Variants in LOXHD1 observed in about 807,000 individuals in gnomAD.
The protein encoded by LOXHD1 is lipoxygenase homology PLAT domains 1, also known as lipoxygenase homology domain-containing protein 1.
A neutral mutation model predicts 248.2 loss-of-function variants in LOXHD1; 205 were observed. That is an observed-to-expected ratio of 0.83 (90% CI 0.74 to 0.93). The LOEUF (loss-of-function observed/expected upper bound fraction) is 0.93. Among genes scored for constraint, LOXHD1 ranks in the 40% least tolerant of loss-of-function variants. The pLI, the probability that LOXHD1 is intolerant of heterozygous loss-of-function variation, is 0.00. For synonymous variants in LOXHD1, 1,113 were observed against 1,162.8 expected (o/e 0.96, Z 0.87); for missense variants, 2,930 against 2,971.6 (o/e 0.99, Z 0.33).
At chr18:46,499,381 G>C (rs1198777265) in intron 37 of LOXHD1, among the ~76,000 whole-genome samples, 1 of 152,152 alleles carries the variant, frequency 6.6e-6, no homozygotes, top group South Asian at 2.1e-4. Context: ...CTGTTAGCTT[G>C]GGCAAAAGAT....
intron 28 of LOXHD1, among the ~76,000 whole-genome samples, chr18:46,531,136 C>T (rs893625169): frequency 1.3e-5 from 2 of 152,126 alleles, no homozygotes; most frequent in African/African-American, 4.8e-5. Context: ...CCACTACCCT[C>T]CAAAGCTCCT....
At chr18:46,506,415 TC>T (rs2034576849) in intron 36 of LOXHD1, among the ~76,000 whole-genome samples, 3 of 152,202 alleles carry the variant, frequency 2.0e-5, no homozygotes, top group Non-Finnish European at 4.4e-5. Flanking sequence ...AGTTCTGTGT[TC>T]CCTAAATCTG....
At position 46,506,002 on chromosome 18, in the gene LOXHD1, A is replaced by T. The variant is rs1366763667; in HGVS notation, c.5714T>A (p.Val1905Glu). The part of the protein sequence containing the change: ...DILGAGTDAN[V>E]FIIIFGENGD... ...GTTCTCCCCGAAGATGATGATGAAC[A>T]CGTTGGCATCAGTGCCTGCTCCTGG... is the stretch of plus-strand genomic sequence containing the variant. The change falls in exon 37 of 41, where the codon GTG becomes GAG. Residue 1905 changes from valine (V) to glutamate (E), a missense_variant. Coordinates refer to ENST00000642948, the MANE Select transcript of LOXHD1 (RefSeq NM_001384474.1). The T allele has an allele frequency of 1.3e-6, 2 of 1,552,274 alleles. No homozygotes were observed. Among genetic ancestry groups the T allele is most frequent in the Non-Finnish European group, 1.7e-6 (2 of 1,147,104 alleles).
chr18:46,554,650 GGAGGGAAGAGGAGAT>G (rs1162977378), intron 21 of LOXHD1, among the ~76,000 whole-genome samples: 1 of 152,000 alleles, frequency 6.6e-6, no homozygotes, highest in Non-Finnish European at 1.5e-5. Flanking sequence ...AAAGAGATGG[GGAGGGAAGAGGAGAT>G]GAGGGAAGGG....
intron 13 of LOXHD1, among the ~76,000 whole-genome samples, chr18:46,579,338 GGCTCTTCAACTCCCT>G (rs1168691834): frequency 6.6e-6 from 1 of 152,168 alleles, no homozygotes; most frequent in Non-Finnish European, 1.5e-5. Context: ...CCTCTAAGGT[GGCTCTTCAACTCCCT>G]GCTGTACAGT....
At chr18:46,620,240 C>T (rs1394817127) in intron 4 of LOXHD1, among the ~76,000 whole-genome samples, 1 of 152,226 alleles carries the variant, frequency 6.6e-6, no homozygotes, top group Non-Finnish European at 1.5e-5. Context: ...TGAGAACATT[C>T]ATTTTGGCTC....
At chr18:46,583,026 G>A (rs925012087) in intron 12 of LOXHD1, among the ~76,000 whole-genome samples, 4 of 152,106 alleles carry the variant, frequency 2.6e-5, no homozygotes, top group African/African-American at 7.2e-5. Flanking sequence ...ACATCAAAAC[G>A]GAATCAGACT....
chr18:46,517,050 G>A (rs1027427580), intron 34 of LOXHD1, among the ~76,000 whole-genome samples: 8 of 152,308 alleles, frequency 5.3e-5, no homozygotes, highest in East Asian at 1.9e-4. Context: ...AAAGGAAGCC[G>A]CCTGGGTCCT....
chr18:46,598,173 A>G (rs2038286616), intron 8 of LOXHD1, among the ~76,000 whole-genome samples: 1 of 152,142 alleles, frequency 6.6e-6, no homozygotes, highest in Non-Finnish European at 1.5e-5. Context: ...TTGAAAATGC[A>G]CTCATATTAG....
At chr18:46,649,430 T>C (rs1040201507) in intron 1 of LOXHD1, among the ~76,000 whole-genome samples, 161 bp from the exon 2 acceptor site, 1 of 152,194 alleles carries the variant, frequency 6.6e-6, no homozygotes, top group African/African-American at 2.4e-5. Flanking sequence ...AGACCCACGA[T>C]ATGTCCTGCT....
chr18:46,525,894 C>A (rs148902365), intron 29 of LOXHD1, among the ~76,000 whole-genome samples: 1 of 152,326 alleles, frequency 6.6e-6, no homozygotes, highest in East Asian at 1.9e-4. Context: ...GTAATTCCAG[C>A]TCAGGTGGTG....
chr18:46,651,988 C>G (rs114670188), intron 1 of LOXHD1, among the ~76,000 whole-genome samples: 1 of 152,184 alleles, frequency 6.6e-6, no homozygotes, highest in Non-Finnish European at 1.5e-5. Context: ...ACACCCTAAA[C>G]GCCCATCAAC....
In LOXHD1 at chr18:46,601,343, G is replaced by A. The variant is rs1444868169; in HGVS notation, c.1008C>T (p.Gly336=). Residue 336 remains glycine, a synonymous_variant, in exon 8 of 41, where the codon GGC becomes GGT. Coordinates refer to ENST00000642948, the MANE Select transcript of LOXHD1 (RefSeq NM_001384474.1). ...NKNSGKIFLE[G]GVFDRGRTDI... is the part of the protein sequence containing the mutation. ...CCGTGCGGCCTCGGTCAAACACGCC[G>A]CCCTCCAGGAAGATTTTCCCACTGT... 3.7e-5 allele frequency: 57 copies of A among 1,551,534 alleles called. No individual in the cohort carries two copies. Among genetic ancestry groups the A allele is most frequent in the Non-Finnish European group, 4.6e-5 (53 of 1,146,992 alleles).
chr18:46,529,454 GCCTT>G, intron 28 of LOXHD1, 123 bp from the exon 29 acceptor site: 1 of 1,128,492 alleles, frequency 8.9e-7, no homozygotes, highest in Non-Finnish European at 1.2e-6. Flanking sequence ...AGGGGTTAAT[GCCTT>G]CCTTTTGTTT....
chr18:46,639,689 C>T lies in LOXHD1; in HGVS notation c.438G>A (p.Leu146=), dbSNP rs1439333172. ...LRYYFNCNNW[L]SKVEGDRQWC... is the part of the protein sequence containing the mutation. ...ACTGGCGGTCACCTTCCACCTTGCT[C>T]AGCCAGTTGTTGCAGTTGAAGTAGT... is the stretch of plus-strand genomic sequence containing the variant. The change falls in exon 4 of 41, where the codon CTG becomes CTA. Residue 146 remains leucine (L), a synonymous_variant. Transcript: ENST00000642948. 4 of 1,551,756 alleles carry T rather than the reference C, an allele frequency of 2.6e-6. No homozygotes were observed. The highest frequency in any genetic ancestry group is 3.5e-6 in the Non-Finnish European group (4 of 1,147,008).
At chr18:46,491,706 A>G (rs1230336095) in intron 37 of LOXHD1, among the ~76,000 whole-genome samples, 1 of 152,190 alleles carries the variant, frequency 6.6e-6, no homozygotes, top group Non-Finnish European at 1.5e-5. Flanking sequence ...TCACTACACA[A>G]TTACACTTTC....
At chr18:46,600,178 C>T (rs760098402) in intron 8 of LOXHD1, among the ~76,000 whole-genome samples, 7 of 152,282 alleles carry the variant, frequency 4.6e-5, no homozygotes, top group Admixed American at 6.5e-5. Context: ...AAATATCCAT[C>T]GACAGAAGAA....
At chr18:46,519,914 CT>C (rs2035482655) in intron 33 of LOXHD1, among the ~76,000 whole-genome samples, 1 of 152,186 alleles carries the variant, frequency 6.6e-6, no homozygotes, top group Non-Finnish European at 1.5e-5. Flanking sequence ...ACCTGTGTTC[CT>C]TTGTGCCATG....
In LOXHD1 at chr18:46,563,121, G is replaced by A. The variant is rs999263016; in HGVS notation, c.2542C>T (p.Leu848Phe). ...IYGEKGKTEV[L>F]FLSSRSKVFE... ...ACTTTTGAGCGGCTGGAGAGGAAGA[G>A]CACTTCTGTCTTGCCTTTCTCTCCA... Residue 848 changes from leucine to phenylalanine, a missense_variant, in exon 18 of 41, where the codon CTC (leucine) becomes TTC (phenylalanine). Physicochemically the swap from Leu to Phe is conservative, Grantham distance 22. Transcript: ENST00000642948. 9.7e-6 allele frequency: 15 copies of A among 1,546,762 alleles called. No homozygotes were observed. The highest frequency in any genetic ancestry group is 1.4e-5 in the African/African-American group (1 of 73,004).
Sources: gnomAD v4.1 joint callset for allele counts (sites outside exome capture counted in the v4.1 genomes callset) on GRCh38, gnomAD v4.1.1 for gene constraint, MANE v1.5 for transcripts, NCBI Gene and HGNC (gene_info 2026-07-23, HGNC 2026-07-21) for gene names.